RBFOX1: variants seen among roughly 807,000 people sequenced by gnomAD.
RBFOX1 encodes the protein RNA binding fox-1 homolog 1.
RBFOX1 carries 8 observed loss-of-function variants against 57.7 expected under a neutral mutation model. The observed-to-expected ratio is 0.14, with a 90% CI of 0.08 to 0.25. The LOEUF (loss-of-function observed/expected upper bound fraction) is 0.25, where lower values mean the gene tolerates loss of function less well. Among genes scored for constraint, RBFOX1 ranks in the 10% least tolerant of loss-of-function variants. The pLI, the probability that RBFOX1 is intolerant of heterozygous loss-of-function variation, is 1.00. For missense variants in RBFOX1, 611 were observed against 548.5 expected, an observed-to-expected ratio of 1.11 and a Z score of -1.14; for synonymous variants, 326 against 222.4, an observed-to-expected ratio of 1.47 and a Z score of -4.15.
intron 3 of RBFOX1, among the ~76,000 whole-genome samples, chr16:6,828,967 C>T (rs773910053): frequency 2.0e-5 from 3 of 150,958 alleles, no homozygotes; most frequent in African/African-American, 4.8e-5. Flanking sequence ...TGAGTGTGTA[C>T]TTTTCCCGTT....
chr16:5,347,570 A>C (rs1018180799), intron 1 of RBFOX1, among the ~76,000 whole-genome samples: 2 of 151,724 alleles, frequency 1.3e-5, no homozygotes, highest in African/African-American at 2.4e-5. Context: ...TCATCCTTCC[A>C]CTCGTCTGTC....
intron 4 of RBFOX1, among the ~76,000 whole-genome samples, chr16:5,911,403 T>C (rs1037947459): frequency 6.6e-6 from 1 of 152,228 alleles, no homozygotes; most frequent in African/African-American, 2.4e-5. Flanking sequence ...CCTCTTGCTG[T>C]TGAGATAAGC....
At chr16:5,270,859 G>A in intron 1 of RBFOX1, 1 of 415,614 alleles carries the variant, frequency 2.4e-6, no homozygotes, top group South Asian at 1.9e-5. Context: ...GCTTCATGGT[G>A]AAGGTAGTAG....
chr16:7,514,285 G>T (rs888961475), intron 4 of RBFOX1, among the ~76,000 whole-genome samples: 1 of 152,164 alleles, frequency 6.6e-6, no homozygotes, highest in East Asian at 1.9e-4. Context: ...TTTGCCTCAT[G>T]AGTCGTTTGC....
chr16:7,558,805 T>A (rs2089535629), intron 5 of RBFOX1, among the ~76,000 whole-genome samples: 1 of 152,210 alleles, frequency 6.6e-6, no homozygotes, highest in Admixed American at 6.5e-5. Flanking sequence ...GCCAATGCCA[T>A]AAGCCTTTCT....
intron 2 of RBFOX1, among the ~76,000 whole-genome samples, chr16:6,561,974 C>A (rs1221106209): frequency 6.6e-6 from 1 of 152,188 alleles, no homozygotes; most frequent in Non-Finnish European, 1.5e-5. Flanking sequence ...CCACCTAGAT[C>A]TGTTATACAG....
intron 2 of RBFOX1, among the ~76,000 whole-genome samples, chr16:6,605,451 T>C (rs941229725): frequency 6.6e-6 from 1 of 152,144 alleles, no homozygotes; most frequent in African/African-American, 2.4e-5. Context: ...TGTGGCAATA[T>C]TAGCTTTCTG....
intron 1 of RBFOX1, among the ~76,000 whole-genome samples, chr16:5,424,437 A>T (rs1567488459): frequency 6.6e-6 from 1 of 152,174 alleles, no homozygotes; most frequent in Non-Finnish European, 1.5e-5. Context: ...TTAGTCTGTA[A>T]AATGGACATG....
intron 3 of RBFOX1, among the ~76,000 whole-genome samples, chr16:6,834,960 T>C (rs1174083056): frequency 1.3e-5 from 2 of 151,328 alleles, no homozygotes; most frequent in Non-Finnish European, 2.9e-5. Flanking sequence ...TGGCGCGATC[T>C]TGGTTCACTG....
chr16:7,692,937 G>C (rs943156159), intron 14 of RBFOX1, among the ~76,000 whole-genome samples: 2 of 151,670 alleles, frequency 1.3e-5, no homozygotes, highest in Admixed American at 6.6e-5. Flanking sequence ...TTTCTAGCTA[G>C]CTGTAGTATA....
At chr16:6,596,026 T>G (rs930075064) in intron 2 of RBFOX1, among the ~76,000 whole-genome samples, 1 of 152,086 alleles carries the variant, frequency 6.6e-6, no homozygotes, top group African/African-American at 2.4e-5. Context: ...TGAATAAAAA[T>G]TTTCAAATCA....
chr16:7,555,605 G>T (rs765782737), intron 5 of RBFOX1, among the ~76,000 whole-genome samples: 1 of 152,120 alleles, frequency 6.6e-6, no homozygotes, highest in Admixed American at 6.5e-5. Context: ...CTGTGCCCTC[G>T]TCAGGTCTCT....
intron 3 of RBFOX1, among the ~76,000 whole-genome samples, chr16:6,972,654 G>T (rs1372329064): frequency 6.6e-6 from 1 of 152,100 alleles, no homozygotes; most frequent in African/African-American, 2.4e-5. Context: ...AAGAGCAAAT[G>T]CTTTGGGGAC....
chr16:5,853,224 G>C (rs562451239), intron 3 of RBFOX1, among the ~76,000 whole-genome samples: 22 of 152,254 alleles, frequency 1.4e-4, no homozygotes, highest in African/African-American at 5.1e-4. Flanking sequence ...ATGCCAGGTA[G>C]CATTTGATAT....
chr16:6,557,455 T>A (rs980692719), intron 2 of RBFOX1, among the ~76,000 whole-genome samples: 4 of 152,162 alleles, frequency 2.6e-5, no homozygotes, highest in African/African-American at 9.7e-5. Context: ...TTTCTCTAAT[T>A]TATTACATTG....
rs201337779 is a variant in RBFOX1, at chr16:5,613,804, G to GT, written c.318+14854dup. Among the ~76,000 whole-genome samples the GT allele has an allele frequency of 1.2e-3, 170 of 147,496 alleles. 1 individual carries two copies. Among genetic ancestry groups the GT allele is most frequent in the African/African-American group, 2.5e-3 (100 of 40,460 alleles). ...AACTCCCCAAATCAAGGTAGATGGG[G>GT]TTTTTTTTTTTCTTCCCCAGCCAGC... On this transcript the variant is annotated intron_variant, in intron 3 of 19. Coordinates refer to the RBFOX1 transcript ENST00000641259.
Position 5,875,122 on chromosome 16 carries a change from C to G in RBFOX1, c.351+7787C>G, listed in dbSNP as rs79534833. On this transcript the variant is annotated intron_variant, in intron 4 of 19. Coordinates refer to the RBFOX1 transcript ENST00000641259. Reference sequence around the variant, plus strand: ...GAGATGAGTAAGAACCTTCCCATAGCAACAGCAGCAGCAGCGTTGATAATT... The same window carrying G: ...GAGATGAGTAAGAACCTTCCCATAGGAACAGCAGCAGCAGCGTTGATAATT... Among the ~76,000 whole-genome samples, 781 of 152,314 alleles carry G rather than the reference C, an allele frequency of 5.1e-3. 4 individuals are homozygous for G. The highest frequency in any genetic ancestry group is 0.018 in the African/African-American group (731 of 41,566).
intron 4 of RBFOX1, among the ~76,000 whole-genome samples, chr16:7,245,628 A>C (rs1473042258): frequency 1.3e-5 from 2 of 152,218 alleles, no homozygotes; most frequent in African/African-American, 2.4e-5. Flanking sequence ...GAGCTAGAGA[A>C]AGAGCTATGC....
intron 3 of RBFOX1, among the ~76,000 whole-genome samples, chr16:5,746,998 G>A (rs966847998): frequency 4.6e-5 from 7 of 152,152 alleles, no homozygotes; most frequent in African/African-American, 9.7e-5. Flanking sequence ...TGGTGAGAGA[G>A]GGCATCCCTG....
Sources: gnomAD v4.1 joint callset for allele counts (sites outside exome capture counted in the v4.1 genomes callset) on GRCh38, gnomAD v4.1.1 for gene constraint, MANE v1.5 for transcripts, NCBI Gene and HGNC (gene_info 2026-07-23, HGNC 2026-07-21) for gene names.